The following AHI1 variants were observed in gnomAD, a reference collection of about 807,000 sequenced individuals.
The protein encoded by AHI1 is jouberin.
AHI1 carries 123 observed loss-of-function variants against 149.3 expected under a neutral mutation model. The observed-to-expected ratio is 0.82, with a 90% CI of 0.71 to 0.96. The LOEUF is 0.96. Among genes scored for constraint, AHI1 ranks in the 40% least tolerant of loss-of-function variants. The pLI is 0.00. For missense variants in AHI1, 1,439 were observed against 1,422.7 expected (o/e 1.01, Z -0.18); for synonymous variants, 475 against 459.8 (o/e 1.03, Z -0.42).
intron 23 of AHI1, among the ~76,000 whole-genome samples, chr6:135,393,754 A>G (rs1391051186): frequency 1.3e-5 from 2 of 152,116 alleles, no homozygotes; most frequent in African/African-American, 4.8e-5. Flanking sequence ...TTATATTCAC[A>G]TAGCACCTTA....
At chr6:135,377,362 T>C (rs1457101609) in intron 23 of AHI1, among the ~76,000 whole-genome samples, 1 of 152,182 alleles carries the variant, frequency 6.6e-6, no homozygotes, top group Non-Finnish European at 1.5e-5. Context: ...TCTTCAACAG[T>C]TTTGCCTGAA....
At chr6:135,471,918 A>C (rs942291382) in intron 5 of AHI1, among the ~76,000 whole-genome samples, 1 of 146,786 alleles carries the variant, frequency 6.8e-6, no homozygotes, top group African/African-American at 2.5e-5. Flanking sequence ...AGGCTGAGGC[A>C]GGAGAATGGC....
In AHI1 at chr6:135,466,157, A is replaced by G. The variant is rs1299907778; in HGVS notation, c.406T>C (p.Leu136=). ...NKKVIKTVPQ[L]TTQDLKPETP... ...TCCGGTTTCAGGTCTTGTGTAGTCAACTGGGGCACCGTCTTTATCACCTTT... is the reference window on the plus strand; with the variant it reads ...TCCGGTTTCAGGTCTTGTGTAGTCAGCTGGGGCACCGTCTTTATCACCTTT... The change falls in exon 7 of 29, where the codon TTG becomes CTG. Residue 136 remains leucine (L), a synonymous_variant. Transcript: ENST00000265602. 1 of 1,613,868 alleles carries G rather than the reference A, an allele frequency of 6.2e-7. No individual in the cohort carries two copies. The highest frequency in any genetic ancestry group is 1.3e-5 in the African/African-American group (1 of 75,020).
intron 26 of AHI1, among the ~76,000 whole-genome samples, chr6:135,316,525 C>G (rs1354386265): frequency 6.6e-6 from 1 of 152,090 alleles, no homozygotes; most frequent in Non-Finnish European, 1.5e-5. Context: ...TCCAACTATA[C>G]TCTTCTTGAA....
At chr6:135,341,287 G>A (rs1345930232) in intron 24 of AHI1, among the ~76,000 whole-genome samples, 2 of 152,032 alleles carry the variant, frequency 1.3e-5, no homozygotes, top group East Asian at 1.9e-4. Context: ...GAAATCAAAA[G>A]AGAACTGGAG....
At chr6:135,392,833 G>GA (rs1406840669) in intron 23 of AHI1, among the ~76,000 whole-genome samples, 1 of 152,116 alleles carries the variant, frequency 6.6e-6, no homozygotes, top group East Asian at 1.9e-4. Flanking sequence ...TTTAGAAATA[G>GA]AGTTAGGTCT....
chr6:135,402,077 C>T lies in AHI1; in HGVS notation c.2988+2874G>A, dbSNP rs558913876. 2.6e-5 allele frequency among the ~76,000 whole-genome samples: 4 copies of T among 152,228 alleles called. No homozygotes were observed. The South Asian group carries it at 6.2e-4, about 24-fold the overall frequency. The stretch of plus-strand genomic sequence containing the variant: ...GTACAAATGGCATATAAAAAACGCT[C>T]AACATCATTAGTCATAAAGAAAACA... On this transcript the variant is annotated intron_variant, in intron 22 of 28. Coordinates refer to ENST00000265602, the MANE Select transcript of AHI1 (RefSeq NM_001134831.2).
chr6:135,418,555 G>A (rs754332814), intron 20 of AHI1, among the ~76,000 whole-genome samples: 1 of 152,044 alleles, frequency 6.6e-6, no homozygotes. Flanking sequence ...GAGGAAGGAC[G>A]GAGGAAATAA....
chr6:135,371,782 A>G (rs1486925951), intron 23 of AHI1, among the ~76,000 whole-genome samples: 1 of 152,172 alleles, frequency 6.6e-6, no homozygotes, highest in Non-Finnish European at 1.5e-5. Flanking sequence ...TTTTCCTGGG[A>G]TCTCAGTGCC....
chr6:135,415,540 T>C (rs550978401), intron 20 of AHI1, among the ~76,000 whole-genome samples: 212 of 152,306 alleles, frequency 1.4e-3, no homozygotes, highest in African/African-American at 4.9e-3. Context: ...TACACTGATA[T>C]ACTAATGGTG....
In AHI1 at chr6:135,486,853, G is replaced by A. The variant is rs543081318; in HGVS notation, c.135+3770C>T. On this transcript the variant is annotated intron_variant, in intron 5 of 28. Transcript: ENST00000265602. ...CATGATTATGGCTCACTGCAGCCTCGACTTCCCAGGCTCAAGCAATCCTCC... is the reference window on the plus strand; with the variant it reads ...CATGATTATGGCTCACTGCAGCCTCAACTTCCCAGGCTCAAGCAATCCTCC... Among the ~76,000 whole-genome samples, 13 of 152,054 alleles carry A rather than the reference G, an allele frequency of 8.5e-5. No homozygotes were observed. The South Asian group carries it at 1.2e-3, about 15-fold the overall frequency.
intron 14 of AHI1, among the ~76,000 whole-genome samples, chr6:135,440,962 G>A (rs1786205311): frequency 1.3e-5 from 2 of 150,722 alleles, no homozygotes; most frequent in Admixed American, 1.3e-4. Context: ...CATACACAGG[G>A]GAAAAAAGTC....
chr6:135,391,197 G>A (rs555825114), intron 23 of AHI1, among the ~76,000 whole-genome samples: 5 of 152,050 alleles, frequency 3.3e-5, no homozygotes, highest in Non-Finnish European at 7.4e-5. Flanking sequence ...TGTATTCAAA[G>A]AAAAAAATAC....
At chr6:135,411,707 A>G (rs1255769656) in intron 20 of AHI1, among the ~76,000 whole-genome samples, 163 bp from the exon 21 acceptor site, 1 of 152,236 alleles carries the variant, frequency 6.6e-6, no homozygotes, top group Admixed American at 6.5e-5. Flanking sequence ...ATTCAATGCT[A>G]TAAAATCATA....
At chr6:135,455,674 A>G in intron 10 of AHI1, 60 bp downstream of exon 10, 2 of 1,255,416 alleles carry the variant, frequency 1.6e-6, no homozygotes, top group Non-Finnish European at 2.1e-6. Context: ...ATAATAGCTT[A>G]CATTTGTGCT....
intron 26 of AHI1, chr6:135,301,442 C>G (rs1398993899): frequency 1.0e-6 from 1 of 985,360 alleles, no homozygotes. Context: ...AACTGCTTTC[C>G]TGGTGTTATC....
At chr6:135,473,305 T>C (rs1256752659) in intron 5 of AHI1, among the ~76,000 whole-genome samples, 1 of 152,174 alleles carries the variant, frequency 6.6e-6, no homozygotes, top group African/African-American at 2.4e-5. Flanking sequence ...TACTGATTTA[T>C]ATGCCTATCT....
rs755533245 is a variant in AHI1 at position 135,447,019 on chromosome 6, GTC to G, written c.1766_1767del (p.Arg589ProfsTer27). The G allele has an allele frequency of 6.2e-7, 1 of 1,610,918 alleles. No individual in the cohort carries two copies. Among genetic ancestry groups the G allele is most frequent in the East Asian group, 2.2e-5 (1 of 44,750 alleles). On this transcript the variant is annotated frameshift_variant, in exon 13 of 29. Coordinates refer to ENST00000265602, the MANE Select transcript of AHI1 (RefSeq NM_001134831.2). LOFTEE classifies it high-confidence loss of function. ...ATCAAACACTTCACCTGCCCAGGGA[GTC>G]GTTTCCACTTTATTACTTCCTTTGA... ...EESKEVIKWK[R>X]LPGQACRIPN...
intron 5 of AHI1, among the ~76,000 whole-genome samples, chr6:135,482,165 G>C (rs554400999): frequency 6.6e-6 from 1 of 152,124 alleles, no homozygotes; most frequent in East Asian, 1.9e-4. Flanking sequence ...CCACTCCTCA[G>C]GTTTCAAGTA....
Sources: allele counts gnomAD v4.1 joint callset (sites outside exome capture counted in the v4.1 genomes callset), GRCh38; gene constraint gnomAD v4.1.1; transcripts MANE v1.5; gene names NCBI Gene and HGNC (gene_info 2026-07-23, HGNC 2026-07-21).